SHOC2: variants seen among roughly 807,000 people sequenced by gnomAD.
SHOC2 encodes SHOC2 leucine rich repeat scaffold protein.
SHOC2 carries 4 observed loss-of-function variants against 50.2 expected under a neutral mutation model. The observed-to-expected ratio is 0.08, with a 90% CI of 0.04 to 0.18. SHOC2 has a LOEUF of 0.18. SHOC2 is among the 10% of genes least tolerant of loss of function. SHOC2 has a pLI of 1.00. For missense variants in SHOC2, 388 were observed against 669.6 expected (o/e 0.58, Z 4.64); for synonymous variants, 218 against 244.5 (o/e 0.89, Z 1.01).
At chr10:110,924,372 A>G (rs1176697741) in intron 1 of SHOC2, among the ~76,000 whole-genome samples, 13 of 152,208 alleles carry the variant, frequency 8.5e-5, no homozygotes, top group East Asian at 3.8e-4. Flanking sequence ...ATAACTGGCA[A>G]TGCCTACTGG....
chr10:111,004,983 A>G (rs1274386927), intron 5 of SHOC2, among the ~76,000 whole-genome samples, 189 bp downstream of exon 5: 2 of 152,118 alleles, frequency 1.3e-5, no homozygotes, highest in Non-Finnish European at 1.5e-5. Flanking sequence ...TACCCTTAGG[A>G]TTTTGTCCTA....
chr10:110,936,964 G>T, intron 1 of SHOC2: 1 of 1,448,132 alleles, frequency 6.9e-7, no homozygotes. Flanking sequence ...GCTTGGTCTT[G>T]TGGGGCAGCA....
chr10:110,988,263 G>T (rs1848117942), intron 3 of SHOC2, among the ~76,000 whole-genome samples: 1 of 152,054 alleles, frequency 6.6e-6, no homozygotes, highest in Non-Finnish European at 1.5e-5. Flanking sequence ...GGAATAGTTT[G>T]TATGAAATTG....
chr10:110,985,205 C>T (rs372853077), intron 2 of SHOC2, among the ~76,000 whole-genome samples: 2 of 152,108 alleles, frequency 1.3e-5, no homozygotes, highest in East Asian at 3.8e-4. Flanking sequence ...TCAAACTGAA[C>T]TCAAGGTGTA....
intron 1 of SHOC2, among the ~76,000 whole-genome samples, chr10:110,959,077 G>A (rs1847524832): frequency 6.6e-6 from 1 of 152,014 alleles, no homozygotes; most frequent in South Asian, 2.1e-4. Context: ...TAGGCACAAT[G>A]ATATTAGAAA....
intron 8 of SHOC2, 36 bp from the exon 9 acceptor site, chr10:111,011,574 A>G (rs1564732016): frequency 2.0e-6 from 3 of 1,507,680 alleles, no homozygotes; most frequent in Non-Finnish European, 2.8e-6. Context: ...AATAGCAACT[A>G]ATTTTTAAAA....
rs559572636 is a variant in SHOC2 at position 111,013,142 on chromosome 10, G to A, written c.*1324G>A. The A allele has an allele frequency of 5.3e-5, 8 of 152,328 alleles. No homozygotes were observed. Among genetic ancestry groups the A allele is most frequent in the East Asian group, 3.9e-4 (2 of 5,192 alleles). The allele number at this position is 152,328 out of a possible 1,614,324, so 9.4% of individuals were successfully genotyped here. On this transcript the variant is annotated 3_prime_UTR_variant, in exon 9 of 9. Transcript: ENST00000369452. Reference sequence around the variant, plus strand: ...AAGATGTGCATGTACTATTTGATGCGTTTTCTTTGCTTCACTGCTTTTAAT... The same window carrying A: ...AAGATGTGCATGTACTATTTGATGCATTTTCTTTGCTTCACTGCTTTTAAT...
intron 1 of SHOC2, among the ~76,000 whole-genome samples, chr10:110,943,768 A>T (rs112310004): frequency 6.6e-6 from 1 of 152,154 alleles, no homozygotes; most frequent in Non-Finnish European, 1.5e-5. Context: ...TTGAGAACCT[A>T]TTTTCTTATA....
At chr10:110,930,968 T>G (rs1261949869) in intron 1 of SHOC2, among the ~76,000 whole-genome samples, 2 of 152,084 alleles carry the variant, frequency 1.3e-5, no homozygotes, top group Non-Finnish European at 2.9e-5. Flanking sequence ...TGGTTTATAT[T>G]GTGGATTGGG....
intron 1 of SHOC2, among the ~76,000 whole-genome samples, chr10:110,943,903 C>A (rs551706023): frequency 2.0e-3 from 304 of 152,264 alleles, no homozygotes; most frequent in Non-Finnish European, 3.4e-3. Flanking sequence ...TCTTGGCAAC[C>A]CAGAATCTTT....
chr10:110,922,155 G>A (rs187250967), intron 1 of SHOC2, among the ~76,000 whole-genome samples: 173 of 152,044 alleles, frequency 1.1e-3, no homozygotes, highest in African/African-American at 4.0e-3. Flanking sequence ...CTGGAATTAC[G>A]CCTTTAAAAT....
At chr10:110,942,185 G>A (rs999063660) in intron 1 of SHOC2, among the ~76,000 whole-genome samples, 39 of 152,096 alleles carry the variant, frequency 2.6e-4, no homozygotes, top group Admixed American at 1.4e-3. Context: ...TTATCATACA[G>A]TATTAAATAA....
intron 3 of SHOC2, among the ~76,000 whole-genome samples, chr10:110,992,039 C>G (rs1367353152): frequency 6.6e-6 from 1 of 152,154 alleles, no homozygotes; most frequent in Non-Finnish European, 1.5e-5. Flanking sequence ...AATCACTTCC[C>G]AGAAATCACT....
At chr10:111,006,662 G>A (rs1449403127) in intron 5 of SHOC2, among the ~76,000 whole-genome samples, 1 of 152,136 alleles carries the variant, frequency 6.6e-6, no homozygotes, top group Non-Finnish European at 1.5e-5. Context: ...GAGCCACCAC[G>A]CCCGGCCGCA....
At chr10:110,967,724 T>C (rs1465319603) in intron 2 of SHOC2, among the ~76,000 whole-genome samples, 1 of 152,200 alleles carries the variant, frequency 6.6e-6, no homozygotes, top group African/African-American at 2.4e-5. Context: ...TCATATAATA[T>C]GTGGTCTCTT....
intron 2 of SHOC2, among the ~76,000 whole-genome samples, chr10:110,968,824 A>T (rs935426138): frequency 3.3e-5 from 5 of 152,098 alleles, no homozygotes; most frequent in African/African-American, 4.8e-5. Flanking sequence ...TAATTTTTTT[A>T]AAATTAGGAG....
At chr10:110,985,024 A>T (rs900105191) in intron 2 of SHOC2, among the ~76,000 whole-genome samples, 4 of 152,204 alleles carry the variant, frequency 2.6e-5, no homozygotes, top group African/African-American at 7.2e-5. Context: ...GAAGATACTG[A>T]TAGCTATTAA....
chr10:110,927,991 T>G (rs949586569), intron 1 of SHOC2, among the ~76,000 whole-genome samples: 2 of 152,188 alleles, frequency 1.3e-5, no homozygotes, highest in African/African-American at 4.8e-5. Flanking sequence ...TGTACAATAC[T>G]TAAAGCTTTT....
intron 3 of SHOC2, 142 bp downstream of exon 3, chr10:110,985,907 T>TA (rs2134149496): frequency 2.8e-6 from 2 of 711,604 alleles, no homozygotes; most frequent in African/African-American, 1.8e-5. Flanking sequence ...GATAATATTT[T>TA]AAAATCATTT....
Sources: gnomAD v4.1 joint callset for allele counts (sites outside exome capture counted in the v4.1 genomes callset) on GRCh38, gnomAD v4.1.1 for gene constraint, MANE v1.5 for transcripts, NCBI Gene and HGNC (gene_info 2026-07-23, HGNC 2026-07-21) for gene names.